Variants in CMTM7 observed in about 807,000 individuals in gnomAD.
CMTM7 encodes CKLF-like MARVEL transmembrane domain-containing protein 7.
CMTM7 carries 7 observed loss-of-function variants against 19.3 expected under a neutral mutation model. That is an observed-to-expected ratio of 0.36 (90% CI 0.21 to 0.68). The LOEUF is 0.68. Among genes scored for constraint, CMTM7 ranks in the 30% least tolerant of loss-of-function variants. CMTM7 has a pLI of 0.60. For synonymous variants in CMTM7, 87 were observed against 99.3 expected (o/e 0.88, Z 0.74); for missense variants, 193 against 232.6 (o/e 0.83, Z 1.11).
At chr3:32,409,496 C>G (rs1696141460) in intron 1 of CMTM7, among the ~76,000 whole-genome samples, 1 of 152,156 alleles carries the variant, frequency 6.6e-6, no homozygotes, top group Admixed American at 6.5e-5. Flanking sequence ...TATCTACAAG[C>G]CTTACTCAGA....
At position 32,408,202 on chromosome 3, in the gene CMTM7, A is replaced by G. The variant is rs543563571; in HGVS notation, c.159+16137A>G. ...CGTTGACTTCAGCCCAATGATAGCG[A>G]TTTCAGACTTCTGGCCTTGAGAACT... On this transcript the variant is annotated intron_variant, in intron 1 of 4. Coordinates refer to ENST00000334983, the MANE Select transcript of CMTM7 (RefSeq NM_138410.4). 2.0e-5 allele frequency among the ~76,000 whole-genome samples: 3 copies of G among 152,294 alleles called. No individual in the cohort carries two copies. The East Asian group carries it at 5.8e-4, about 29-fold the overall frequency.
intron 1 of CMTM7, among the ~76,000 whole-genome samples, chr3:32,401,317 C>T (rs541902853): frequency 6.6e-6 from 1 of 152,360 alleles, no homozygotes; most frequent in South Asian, 2.1e-4. Flanking sequence ...CAAATAACCA[C>T]TTACAGCCCG....
Position 32,443,223 on chromosome 3 carries a change from C to G in CMTM7, c.333+1210C>G, listed in dbSNP as rs149676178. The stretch of plus-strand genomic sequence containing the variant: ...AGGTGATCTTCCCACCTCAGCCTCC[C>G]GAGTAGCTGAGACTACAGGTGCATG... On this transcript the variant is annotated intron_variant, in intron 2 of 4. Transcript: ENST00000334983. 2.0e-3 allele frequency among the ~76,000 whole-genome samples: 305 copies of G among 152,098 alleles called. 3 individuals carry two copies. In the East Asian group the frequency reaches 0.043, roughly 21 times the overall value.
intron 1 of CMTM7, among the ~76,000 whole-genome samples, chr3:32,406,596 T>A (rs572611070): frequency 7.3e-4 from 111 of 152,284 alleles, no homozygotes; most frequent in Non-Finnish European, 1.4e-3. Flanking sequence ...CAGCGGAGTC[T>A]AAGTAGGGAA....
intron 2 of CMTM7, 31 bp downstream of exon 2, chr3:32,442,044 A>G (rs750681864): frequency 5.6e-5 from 90 of 1,604,432 alleles, no homozygotes; most frequent in Middle Eastern, 1.6e-4. Context: ...TGTCCTCCGC[A>G]TGCACAAGTC....
chr3:32,433,301 C>T (rs192702290), intron 1 of CMTM7, among the ~76,000 whole-genome samples: 205 of 152,306 alleles, frequency 1.3e-3, no homozygotes, highest in South Asian at 4.3e-3. Flanking sequence ...CAGTGAAGTA[C>T]GGTGGTGAAT....
At chr3:32,423,144 C>T (rs1696369933) in intron 1 of CMTM7, among the ~76,000 whole-genome samples, 1 of 152,162 alleles carries the variant, frequency 6.6e-6, no homozygotes, top group Non-Finnish European at 1.5e-5. Context: ...TCTGGGCTGG[C>T]TTCTCCTGGG....
At chr3:32,448,207 A>G (rs1358938740) in intron 2 of CMTM7, among the ~76,000 whole-genome samples, 2 of 152,312 alleles carry the variant, frequency 1.3e-5, no homozygotes, top group African/African-American at 2.4e-5. Context: ...TCTCTGCCCC[A>G]TGTCATCCTC....
At chr3:32,431,676 G>A in intron 1 of CMTM7, among the ~76,000 whole-genome samples, 1 of 152,176 alleles carries the variant, frequency 6.6e-6, no homozygotes, top group Non-Finnish European at 1.5e-5. Context: ...GCAGCATAGT[G>A]GTTAGGAACA....
At chr3:32,441,215 C>G (rs1360352100) in intron 1 of CMTM7, among the ~76,000 whole-genome samples, 1 of 152,206 alleles carries the variant, frequency 6.6e-6, no homozygotes, top group Non-Finnish European at 1.5e-5. Flanking sequence ...CCCACTTCTG[C>G]TTACAAGCCA....
intron 1 of CMTM7, among the ~76,000 whole-genome samples, chr3:32,399,570 G>A (rs1288598663): frequency 1.3e-5 from 2 of 152,138 alleles, no homozygotes; most frequent in Non-Finnish European, 2.9e-5. Flanking sequence ...ATTCAGCTGT[G>A]GGGGATGTCA....
chr3:32,422,222 G>GT (rs1436028627), intron 1 of CMTM7, among the ~76,000 whole-genome samples: 16 of 151,966 alleles, frequency 1.1e-4, no homozygotes, highest in African/African-American at 3.6e-4. Flanking sequence ...TTGTTTTGTC[G>GT]TTTTTTATCC....
chr3:32,402,713 C>T (rs966930235), intron 1 of CMTM7, among the ~76,000 whole-genome samples: 13 of 152,216 alleles, frequency 8.5e-5, no homozygotes, highest in Admixed American at 5.2e-4. Context: ...ATTACAGGCT[C>T]CCGCTACTGC....
At chr3:32,440,263 TGG>T (rs1314248826) in intron 1 of CMTM7, among the ~76,000 whole-genome samples, 2 of 151,462 alleles carry the variant, frequency 1.3e-5, no homozygotes, top group Non-Finnish European at 2.9e-5. Flanking sequence ...AAAAATTAGC[TGG>T]GCATGGTGGT....
intron 1 of CMTM7, among the ~76,000 whole-genome samples, chr3:32,410,967 C>T (rs1696164978): frequency 6.6e-6 from 1 of 152,224 alleles, no homozygotes; most frequent in Non-Finnish European, 1.5e-5. Flanking sequence ...CCAGAAGTGG[C>T]AAGCTCAGTT....
intron 1 of CMTM7, among the ~76,000 whole-genome samples, chr3:32,397,310 T>TATTATTTTTTTTTTTTTTTTTTTTGAGAC (rs1187237961): frequency 6.6e-6 from 1 of 151,832 alleles, no homozygotes; most frequent in African/African-American, 2.4e-5. Flanking sequence ...ATGTGATTAT[T>TATTATTTTTTTTTTTTTTTTTTTTGAGAC]GATTTTAGCA....
chr3:32,400,399 C>CT (rs11425160), intron 1 of CMTM7, among the ~76,000 whole-genome samples: 90,932 of 116,378 alleles, frequency 0.78, 38,222 homozygotes, highest in Non-Finnish European at 0.91. Context: ...TCTTCTTCTT[C>CT]TTTTTTTTTT....
At chr3:32,421,446 G>T (rs575944688) in intron 1 of CMTM7, among the ~76,000 whole-genome samples, 1 of 152,112 alleles carries the variant, frequency 6.6e-6, no homozygotes, top group Non-Finnish European at 1.5e-5. Context: ...GCCTTCTGTG[G>T]CTGTGTTCCC....
At chr3:32,420,851 G>T (rs928680779) in intron 1 of CMTM7, among the ~76,000 whole-genome samples, 1 of 152,216 alleles carries the variant, frequency 6.6e-6, no homozygotes, top group African/African-American at 2.4e-5. Context: ...CTGCTTGCTT[G>T]ACTCAGCGGT....
Sources: allele counts gnomAD v4.1 joint callset (sites outside exome capture counted in the v4.1 genomes callset), GRCh38; gene constraint gnomAD v4.1.1; transcripts MANE v1.5; gene names NCBI Gene and HGNC (gene_info 2026-07-23, HGNC 2026-07-21).